ADCY6: variants seen among roughly 807,000 people sequenced by gnomAD.
ADCY6 encodes the protein adenylate cyclase 6, also known as adenylate cyclase type 6.
In ADCY6, 59 loss-of-function variants were observed where a neutral mutation model predicts 111.6. The ratio of observed to expected loss-of-function variants is 0.53; its 90% CI spans 0.43 to 0.66. The LOEUF (loss-of-function observed/expected upper bound fraction) is 0.66. Ranked by LOEUF, ADCY6 falls within the 30% of genes least tolerant of loss-of-function variation. The probability of loss-of-function intolerance (pLI) is 0.00; values close to 1 mark genes in which losing one functional copy is unlikely to be tolerated. For missense variants in ADCY6, 1,242 were observed against 1,595.6 expected (o/e 0.78, Z 3.78); for synonymous variants, 576 against 642.9 (o/e 0.90, Z 1.57).
chr12:48,779,742 T>C lies in ADCY6; in HGVS notation c.865-1485A>G, dbSNP rs558866200. Among the ~76,000 whole-genome samples the C allele has an allele frequency of 1.4e-4, 22 of 152,318 alleles. 1 individual carries two copies. In the South Asian group the frequency reaches 3.7e-3, roughly 26 times the overall value. Reference sequence around the variant, plus strand: ...CCCAGAGTTGGATGGGGCAGGGCTCTGGTTTAAGGAGAAGGGAGAGAAACA... The same window carrying C: ...CCCAGAGTTGGATGGGGCAGGGCTCCGGTTTAAGGAGAAGGGAGAGAAACA... On this transcript the variant is annotated intron_variant, in intron 2 of 21. Coordinates refer to ENST00000357869, the MANE Select transcript of ADCY6 (RefSeq NM_015270.5).
chr12:48,777,503 A>G lies in ADCY6; in HGVS notation c.1155T>C (p.Ile385=), dbSNP rs987232244. Residue 385 remains isoleucine (I), a synonymous_variant, in exon 5 of 22, where the codon ATT becomes ATC. Transcript: ENST00000357869. The surrounding 1 kb of genome is among the most constrained non-coding windows in gnomAD (Gnocchi z 4.9). ...HDNVSILFAD[I]EGFTSLASQC... is the part of the protein sequence containing the mutation. ...GGGATGCCAGGCTGGTGAAGCCCTCAATGTCTGCAAACAGGATGCTGTAGA... is the reference window on the plus strand; with the variant it reads ...GGGATGCCAGGCTGGTGAAGCCCTCGATGTCTGCAAACAGGATGCTGTAGA... 7 of 1,614,098 alleles carry G rather than the reference A, an allele frequency of 4.3e-6. No homozygotes were observed. The African/African-American group carries it at 9.3e-5, about 22-fold the overall frequency.
rs1382941710 is a variant in ADCY6, at chr12:48,774,490, G to T, written c.2195C>A (p.Ser732Tyr). The T allele has an allele frequency of 6.2e-7, 1 of 1,614,004 alleles. No homozygotes were observed. The highest frequency in any genetic ancestry group is 2.2e-5 in the East Asian group (1 of 44,860). ...SLFPKALQRL[S>Y]RSIVRSRAHS... ...TGCCCGTGAGCGGACAATGCTGCGG[G>T]ACAGACGTTGCAGGGCCTTAGGGAA... Residue 732 changes from serine to tyrosine, a missense_variant, in exon 14 of 22, where the codon TCC becomes TAC. By Grantham distance (144) the Ser-to-Tyr change is moderately radical (BLOSUM62 -2). Coordinates refer to ENST00000357869, the MANE Select transcript of ADCY6 (RefSeq NM_015270.5).
At chr12:48,781,524 C>G (rs568613915) in intron 2 of ADCY6, among the ~76,000 whole-genome samples, 1 of 152,318 alleles carries the variant, frequency 6.6e-6, no homozygotes, top group South Asian at 2.1e-4. Flanking sequence ...ACTAACATCT[C>G]TCTGAAAGGG....
Position 48,776,371 on chromosome 12 carries a change from G to A in ADCY6, c.1536-21C>T. On this transcript the variant is annotated intron_variant, in intron 7 of 21. Transcript: ENST00000357869. This position sits in a 1 kb window ranked among gnomAD's most constrained non-coding sequence, Gnocchi z 6.1. ...TGCGGCTGTATGTGGCCAAGAGGGTGAGACCCTGGCTCTCCCACCTTGCCC... is the reference window on the plus strand; with the variant it reads ...TGCGGCTGTATGTGGCCAAGAGGGTAAGACCCTGGCTCTCCCACCTTGCCC... The A allele has an allele frequency of 8.1e-6, 13 of 1,614,128 alleles. No individual in the cohort carries two copies. The highest frequency in any genetic ancestry group is 2.2e-5 in the East Asian group (1 of 44,884).
rs753644305 is a variant in ADCY6, at chr12:48,783,157, T to G, written c.278A>C (p.Asp93Ala). 6.2e-7 allele frequency: 1 copy of G among 1,607,376 alleles called. No individual in the cohort carries two copies. Among genetic ancestry groups the G allele is most frequent in the South Asian group, 1.1e-5 (1 of 91,036 alleles). The change falls in exon 2 of 22, where the codon GAT becomes GCT. Residue 93 changes from aspartate to alanine, a missense_variant. Physicochemically the swap from Asp to Ala is moderately radical, Grantham distance 126. Coordinates refer to ENST00000357869, the MANE Select transcript of ADCY6 (RefSeq NM_015270.5). Reference sequence around the variant, plus strand: ...GCCCGCTGTCGTTGTCACCTCGGTATCCTCGAAGCCCAGGGCCACTGCCCG... The same window carrying G: ...GCCCGCTGTCGTTGTCACCTCGGTAGCCTCGAAGCCCAGGGCCACTGCCCG... ...GLRAVALGFE[D>A]TEVTTTAGGT...
chr12:48,772,440 G>A lies in ADCY6; in HGVS notation c.2658-16C>T. ...TGCAGCTGGACTAAGGATAAGCAGAGACATGCTTGGTGTCTGAAGGAGGCA... is the reference window on the plus strand; with the variant it reads ...TGCAGCTGGACTAAGGATAAGCAGAAACATGCTTGGTGTCTGAAGGAGGCA... On this transcript the variant is annotated splice_polypyrimidine_tract_variant and intron_variant, in intron 17 of 21. Coordinates refer to ENST00000357869, the MANE Select transcript of ADCY6 (RefSeq NM_015270.5). 6.2e-7 allele frequency: 1 copy of A among 1,614,164 alleles called. No individual in the cohort carries two copies. Among genetic ancestry groups the A allele is most frequent in the Non-Finnish European group, 8.5e-7 (1 of 1,179,992 alleles).
chr12:48,786,966 G>C (rs1375428675), intron 1 of ADCY6, among the ~76,000 whole-genome samples: 1 of 152,200 alleles, frequency 6.6e-6, no homozygotes, highest in African/African-American at 2.4e-5. Context: ...GTACACACTT[G>C]AAAAATATTA....
chr12:48,777,761 A>G lies in ADCY6; in HGVS notation c.1015-25T>C, dbSNP rs752649223. 1.2e-6 allele frequency: 2 copies of G among 1,613,098 alleles called. No individual in the cohort carries two copies. Among genetic ancestry groups the G allele is most frequent in the South Asian group, 1.1e-5 (1 of 91,008 alleles). The stretch of plus-strand genomic sequence containing the variant: ...CCTAGCCCAGTGGTTCCAATAGGGC[A>G]TCACTATACTCTTGGTCTCACATTG... On this transcript the variant is annotated intron_variant, in intron 3 of 21. Coordinates refer to ENST00000357869, the MANE Select transcript of ADCY6 (RefSeq NM_015270.5). This position sits in a 1 kb window ranked among gnomAD's most constrained non-coding sequence, Gnocchi z 4.9.
At position 48,768,567 on chromosome 12, in the gene ADCY6, A is replaced by G; in HGVS notation, c.*24T>C. On this transcript the variant is annotated 3_prime_UTR_variant, in exon 22 of 22. Transcript: ENST00000357869. ...ACTCAATGCCCACCTTGGTCCCTTC[A>G]GCTGAATTTGTGGCTGGGCCCTGTT... is the stretch of plus-strand genomic sequence containing the variant. 6.2e-7 allele frequency: 1 copy of G among 1,613,936 alleles called. No homozygotes were observed.
At chr12:48,770,676 G>C in intron 20 of ADCY6, 90 bp downstream of exon 20, 1 of 1,357,022 alleles carries the variant, frequency 7.4e-7, no homozygotes, top group South Asian at 1.2e-5. Context: ...AGCCCTGATG[G>C]GAAATCTGTG....
At chr12:48,787,874 A>G (rs551772262) in intron 1 of ADCY6, among the ~76,000 whole-genome samples, 57 of 152,290 alleles carry the variant, frequency 3.7e-4, no homozygotes, top group African/African-American at 1.2e-3. Flanking sequence ...CTGAGACCAG[A>G]GTTTGGAACC....
Position 48,783,397 on chromosome 12 carries a change from T to C in ADCY6, c.38A>G (p.Asp13Gly). Residue 13 changes from aspartate (D) to glycine (G), a missense_variant, in exon 2 of 22, where the codon GAT becomes GGT. By Grantham distance (94) the Asp-to-Gly change is moderately conservative. This residue lies in a region of ADCY6 where 362 missense variants were observed against 377.2 expected (regional missense o/e 0.96). Transcript: ENST00000357869. ...WFSGLLVPKV[D>G]ERKTAWGERN... Reference sequence around the variant, plus strand: ...TTCACCCCAGGCTGTTTTCCGTTCATCCACTTTAGGGACCAGGAGGCCACT... The same window carrying C: ...TTCACCCCAGGCTGTTTTCCGTTCACCCACTTTAGGGACCAGGAGGCCACT... The C allele has an allele frequency of 1.2e-6, 2 of 1,614,170 alleles. No individual in the cohort carries two copies. The highest frequency in any genetic ancestry group is 1.7e-6 in the Non-Finnish European group (2 of 1,180,008).
Position 48,771,608 on chromosome 12 carries a change from C to T in ADCY6, c.3051+102G>A. The T allele has an allele frequency of 6.4e-7, 1 of 1,559,774 alleles. No homozygotes were observed. The highest frequency in any genetic ancestry group is 8.8e-7 in the Non-Finnish European group (1 of 1,142,566). Reference sequence around the variant, plus strand: ...CCTTACCCCTGATGACTCTGGGTCCCATCAAATCTCTCTCTCTCTTCCCAG... The same window carrying T: ...CCTTACCCCTGATGACTCTGGGTCCTATCAAATCTCTCTCTCTCTTCCCAG... On this transcript the variant is annotated intron_variant, in intron 19 of 21. Coordinates refer to ENST00000357869, the MANE Select transcript of ADCY6 (RefSeq NM_015270.5). The surrounding 1 kb of genome is among the most constrained non-coding windows in gnomAD (Gnocchi z 4.3).
In ADCY6 at chr12:48,778,208, C is replaced by T. The variant is rs1328050218; in HGVS notation, c.914G>A (p.Cys305Tyr). The T allele has an allele frequency of 6.2e-7, 1 of 1,614,158 alleles. No individual in the cohort carries two copies. Among genetic ancestry groups the T allele is most frequent in the East Asian group, 2.2e-5 (1 of 44,872 alleles). Residue 305 changes from cysteine to tyrosine, a missense_variant, in exon 3 of 22, where the codon TGC (cysteine) becomes TAC (tyrosine). This residue lies in a region of ADCY6 where 260 missense variants were observed against 414.6 expected (regional missense o/e 0.63). Coordinates refer to ENST00000357869, the MANE Select transcript of ADCY6 (RefSeq NM_015270.5). ...LFLCTNVIGI[C>Y]THYPAEVSQR... ...AGACACCTCTGCTGGATAGTGTGTG[C>T]AGATGCCAATGACGTTGGTGCAGAG... is the stretch of plus-strand genomic sequence containing the variant.
chr12:48,782,559 C>A lies in ADCY6; in HGVS notation c.864+12G>T. On this transcript the variant is annotated intron_variant, in intron 2 of 21. Transcript: ENST00000357869. This position sits in a 1 kb window ranked among gnomAD's most constrained non-coding sequence, Gnocchi z 4.3. ...CCTGCTGCCCTCCATCCCTACCTCC[C>A]TGGCCACCTACCTGCTTCCAGAGGA... is the stretch of plus-strand genomic sequence containing the variant. The A allele has an allele frequency of 6.2e-7, 1 of 1,602,518 alleles. No homozygotes were observed.
intron 20 of ADCY6, among the ~76,000 whole-genome samples, chr12:48,770,010 C>T (rs895327080): frequency 2.0e-5 from 3 of 151,788 alleles, no homozygotes; most frequent in East Asian, 3.9e-4. Context: ...ATCCGCCTGC[C>T]TCGGACTCCC....
intron 2 of ADCY6, chr12:48,778,500 A>C: frequency 1.9e-6 from 1 of 513,406 alleles, no homozygotes; most frequent in Non-Finnish European, 3.5e-6. Context: ...AGCTTCTGGA[A>C]GCAGAAGACC....
Position 48,774,415 on chromosome 12 carries a change from G to A in ADCY6, c.2270C>T (p.Ala757Val). ...IFSVLLVFTS[A>V]IANMFTCNHT... ...CTGGACCCTTACCATGTTGGCAATG[G>A]CAGAAGTAAACACAAGCAGGACGGA... The change falls in exon 14 of 22, where the codon GCC becomes GTC. Residue 757 changes from alanine (A) to valine (V), a missense_variant. This residue lies in a region of ADCY6 where 375 missense variants were observed against 432.5 expected (regional missense o/e 0.87). Transcript: ENST00000357869. The A allele has an allele frequency of 1.2e-6, 2 of 1,613,512 alleles. No homozygotes were observed. Among genetic ancestry groups the A allele is most frequent in the Non-Finnish European group, 1.7e-6 (2 of 1,179,518 alleles).
At position 48,770,747 on chromosome 12, in the gene ADCY6, A is replaced by C. The variant is rs775685389; in HGVS notation, c.3256+19T>G. 6.2e-7 allele frequency: 1 copy of C among 1,609,678 alleles called. No homozygotes were observed. Among genetic ancestry groups the C allele is most frequent in the Admixed American group, 1.7e-5 (1 of 59,982 alleles). On this transcript the variant is annotated intron_variant, in intron 20 of 21. Coordinates refer to ENST00000357869, the MANE Select transcript of ADCY6 (RefSeq NM_015270.5). Reference sequence around the variant, plus strand: ...GAAAAAGTCCTGGGAAAACCCGCCAAGCAACAAAGCCCTCTTACCAATCTT... The same window carrying C: ...GAAAAAGTCCTGGGAAAACCCGCCACGCAACAAAGCCCTCTTACCAATCTT...
Sources: allele counts gnomAD v4.1 joint callset (sites outside exome capture counted in the v4.1 genomes callset), GRCh38; gene constraint gnomAD v4.1.1; regional missense constraint gnomAD v4.1.1; non-coding constraint Gnocchi (gnomAD v3.1); transcripts MANE v1.5; gene names NCBI Gene and HGNC (gene_info 2026-07-23, HGNC 2026-07-21).